The following ASIC2 variants were observed in gnomAD, a reference collection of about 807,000 sequenced individuals.
The protein encoded by ASIC2 is acid-sensing ion channel 2.
ASIC2 carries 25 observed loss-of-function variants against 57.3 expected under a neutral mutation model. The observed-to-expected ratio is 0.44, with a 90% CI of 0.32 to 0.61. ASIC2 has a LOEUF of 0.61. Among genes scored for constraint, ASIC2 ranks in the 20% least tolerant of loss-of-function variants. ASIC2 has a pLI of 0.06. For missense variants in ASIC2, 641 were observed against 738.1 expected (o/e 0.87, Z 1.52); for synonymous variants, 319 against 307.5 (o/e 1.04, Z -0.39).
intron 1 of ASIC2, among the ~76,000 whole-genome samples, chr17:33,170,782 C>T (rs959539130): frequency 3.3e-5 from 5 of 152,232 alleles, no homozygotes; most frequent in Admixed American, 2.6e-4. Context: ...TCATCAGACA[C>T]ATTTCTACAA....
At chr17:33,252,181 C>T (rs1415331986) in intron 1 of ASIC2, among the ~76,000 whole-genome samples, 1 of 152,190 alleles carries the variant, frequency 6.6e-6, no homozygotes, top group Non-Finnish European at 1.5e-5. Flanking sequence ...GTCCCACCCT[C>T]TTTAGGAGAA....
chr17:33,903,649 G>C (rs989611479), intron 1 of ASIC2, among the ~76,000 whole-genome samples: 7 of 152,130 alleles, frequency 4.6e-5, no homozygotes, highest in Admixed American at 1.3e-4. Flanking sequence ...GTGTTCTGTG[G>C]GTGCAAGTTT....
At chr17:33,788,439 T>C (rs958824062) in intron 1 of ASIC2, among the ~76,000 whole-genome samples, 1 of 152,162 alleles carries the variant, frequency 6.6e-6, no homozygotes, top group African/African-American at 2.4e-5. Flanking sequence ...ATAGGAATGC[T>C]TTTACACTGT....
intron 1 of ASIC2, among the ~76,000 whole-genome samples, chr17:33,662,754 C>T (rs554915477): frequency 1.4e-5 from 2 of 144,904 alleles, no homozygotes; most frequent in African/African-American, 2.5e-5. Context: ...CCCTTCCTTC[C>T]TTCCTTCTTT....
intron 1 of ASIC2, among the ~76,000 whole-genome samples, chr17:34,022,021 T>A (rs926929602): frequency 2.6e-5 from 4 of 152,056 alleles, no homozygotes. Context: ...GTATTTTTAG[T>A]AGAGACGGGG....
intron 3 of ASIC2, among the ~76,000 whole-genome samples, chr17:33,070,334 G>A (rs923741742): frequency 4.5e-4 from 53 of 118,682 alleles, no homozygotes; most frequent in African/African-American, 1.7e-3. Flanking sequence ...CACAGTTTTC[G>A]CCATTACTTT....
rs71379435 is a variant in ASIC2, at chr17:33,963,633, C to T, written c.555+192345G>A. Reference sequence around the variant, plus strand: ...GTTATATTATATATTATGTATATTCCATATAATATATAATAATATGCATAA... The same window carrying T: ...GTTATATTATATATTATGTATATTCTATATAATATATAATAATATGCATAA... On this transcript the variant is annotated intron_variant, in intron 1 of 9. Coordinates refer to the ASIC2 transcript ENST00000359872. Among the ~76,000 whole-genome samples, 1,118 of 151,466 alleles carry T rather than the reference C, an allele frequency of 7.4e-3. 18 individuals carry two copies. Among genetic ancestry groups the T allele is most frequent in the African/African-American group, 0.026 (1,068 of 41,294 alleles).
chr17:34,093,921 C>T (rs1027101979), intron 1 of ASIC2, among the ~76,000 whole-genome samples: 6 of 152,088 alleles, frequency 3.9e-5, no homozygotes, highest in South Asian at 2.1e-4. Context: ...CTCCTAATGG[C>T]GAACCCCTGG....
intron 1 of ASIC2, among the ~76,000 whole-genome samples, chr17:33,356,731 C>G (rs1017144533): frequency 1.3e-5 from 2 of 152,096 alleles, no homozygotes; most frequent in Non-Finnish European, 2.9e-5. Context: ...GCCTCAGTCC[C>G]GAGGAGCATG....
chr17:33,331,744 T>A (rs183102209), intron 1 of ASIC2, among the ~76,000 whole-genome samples: 2 of 152,332 alleles, frequency 1.3e-5, no homozygotes, highest in Non-Finnish European at 2.9e-5. Context: ...TCTACATGGA[T>A]AATATCATTT....
intron 1 of ASIC2, among the ~76,000 whole-genome samples, chr17:33,877,732 T>C (rs1914588936): frequency 6.6e-6 from 1 of 152,190 alleles, no homozygotes; most frequent in African/African-American, 2.4e-5. Flanking sequence ...GACTTAAATG[T>C]CCCTGTATGA....
chr17:33,294,881 T>C (rs997126065), upstream of ASIC2, among the ~76,000 whole-genome samples: 1 of 152,120 alleles, frequency 6.6e-6, no homozygotes, highest in Non-Finnish European at 1.5e-5. Context: ...GGGAGGGTTC[T>C]GAAGCTGCCT....
intron 1 of ASIC2, chr17:33,624,234 A>G (rs905573616): frequency 6.6e-6 from 1 of 152,228 alleles, no homozygotes; most frequent in Non-Finnish European, 1.5e-5. Context: ...AGCAGAAGAA[A>G]AGATCCACTT....
intron 1 of ASIC2, among the ~76,000 whole-genome samples, chr17:34,052,465 C>T (rs1423687644): frequency 6.6e-6 from 1 of 152,134 alleles, no homozygotes; most frequent in Non-Finnish European, 1.5e-5. Context: ...AGAATGGCGA[C>T]GATTACTTTG....
chr17:34,112,723 G>A (rs1286268699), intron 1 of ASIC2, among the ~76,000 whole-genome samples: 1 of 151,918 alleles, frequency 6.6e-6, no homozygotes, highest in African/African-American at 2.4e-5. Context: ...GCTGGGTAGT[G>A]ATGCTCCCTG....
intron 1 of ASIC2, among the ~76,000 whole-genome samples, chr17:33,826,296 A>G (rs367997157): frequency 2.8e-4 from 42 of 152,288 alleles, no homozygotes; most frequent in African/African-American, 1.0e-3. Flanking sequence ...TGCCCTGTGC[A>G]TTTGTGTTTT....
intron 1 of ASIC2, among the ~76,000 whole-genome samples, chr17:33,943,264 G>A (rs1053738519): frequency 3.3e-5 from 5 of 152,228 alleles, no homozygotes; most frequent in Non-Finnish European, 5.9e-5. Flanking sequence ...GAAGAAGGTT[G>A]ATATTGTAAT....
At chr17:33,986,399 G>A (rs317368) in intron 1 of ASIC2, among the ~76,000 whole-genome samples, 151,383 of 152,174 alleles carry the variant, frequency 0.99, 75,322 homozygotes, top group Middle Eastern at 1. Flanking sequence ...CTTTTCCAAC[G>A]GAGCATCTCA....
At chr17:34,030,951 C>G (rs147724248) in intron 1 of ASIC2, among the ~76,000 whole-genome samples, 4,135 of 152,324 alleles carry the variant, frequency 0.027, 189 homozygotes, top group African/African-American at 0.093. Flanking sequence ...CACAGACAAA[C>G]AAAAAGACAG....
Sources: allele counts gnomAD v4.1 joint callset (sites outside exome capture counted in the v4.1 genomes callset), GRCh38; gene constraint gnomAD v4.1.1; transcripts MANE v1.5; gene names NCBI Gene and HGNC (gene_info 2026-07-23, HGNC 2026-07-21).